FAAH2: variants seen among roughly 807,000 people sequenced by gnomAD.
The protein encoded by FAAH2 is fatty acid amide hydrolase 2.
In FAAH2, 60 loss-of-function variants were observed where a neutral mutation model predicts 36.9. The observed-to-expected ratio is 1.63, with a 90% CI of 1.32 to 2.02. The LOEUF is 2.02. Among genes scored for constraint, FAAH2 ranks in the 30% most tolerant of loss-of-function variants. The pLI, the probability that FAAH2 is intolerant of heterozygous loss-of-function variation, is 0.00. For missense variants in FAAH2, 689 were observed against 397.5 expected (o/e 1.73, Z -6.23); for synonymous variants, 214 against 143.8 (o/e 1.49, Z -3.49).
chrX:57,481,282 T>C (rs5914116), intron 10 of FAAH2, among the ~76,000 whole-genome samples: 41,343 of 110,131 alleles, frequency 0.38, 6,542 homozygotes, highest in Middle Eastern at 0.63. Context: ...TTTGTGCCCT[T>C]GCTGGAGAGG....
the FAAH2 span, among the ~76,000 whole-genome samples, chrX:57,155,082 G>A: frequency 8.9e-6 from 1 of 111,947 alleles, no homozygotes; most frequent in African/African-American, 3.3e-5. Context: ...CTGCTGTGGG[G>A]ATGGCAGGAG....
chrX:57,214,562 G>A, the FAAH2 span, among the ~76,000 whole-genome samples: 2 of 111,328 alleles, frequency 1.8e-5, no homozygotes, highest in African/African-American at 6.5e-5. Context: ...GAGTAGCTGG[G>A]ATTACAGGTG....
At chrX:57,415,501 G>A (rs1423302223) in intron 7 of FAAH2, among the ~76,000 whole-genome samples, 3 of 111,967 alleles carry the variant, frequency 2.7e-5, no homozygotes, top group Non-Finnish European at 5.6e-5. Context: ...TCACTCATGA[G>A]CAGGTTGCTC....
intron 7 of FAAH2, among the ~76,000 whole-genome samples, chrX:57,397,034 G>T: frequency 9.0e-6 from 1 of 111,360 alleles, no homozygotes; most frequent in East Asian, 2.8e-4. Context: ...TATATATTTA[G>T]GATAGTTATA....
In FAAH2 at chrX:57,347,672, C is replaced by T. The variant is rs190129836; in HGVS notation, c.742+6282C>T. Reference sequence around the variant, plus strand: ...GTTGTTTTAATTTTCATAATTCTTGCACTTATTCTTTCTCCTCTGAGGGGG... The same window carrying T: ...GTTGTTTTAATTTTCATAATTCTTGTACTTATTCTTTCTCCTCTGAGGGGG... On this transcript the variant is annotated intron_variant, in intron 5 of 10. Transcript: ENST00000374900. 6.5e-3 allele frequency among the ~76,000 whole-genome samples: 510 copies of T among 78,878 alleles called. 4 individuals are homozygous for T. The highest frequency in any genetic ancestry group is 9.0e-3 in the Non-Finnish European group (414 of 45,769). 68.5% of individuals were successfully genotyped at this position (78,878 alleles called of 115,157 possible).
At chrX:57,247,820 G>A in the FAAH2 span, among the ~76,000 whole-genome samples, 1 of 112,240 alleles carries the variant, frequency 8.9e-6, no homozygotes, top group Non-Finnish European at 1.9e-5. Flanking sequence ...CTAGTTAAGT[G>A]GTCATAGGCG....
the FAAH2 span, among the ~76,000 whole-genome samples, chrX:57,253,990 C>A: frequency 9.0e-6 from 1 of 110,625 alleles, no homozygotes; most frequent in South Asian, 3.8e-4. Flanking sequence ...TCCAATCTGG[C>A]AAATTAGATA....
chrX:57,256,621 G>C, the FAAH2 span, among the ~76,000 whole-genome samples: 1 of 111,693 alleles, frequency 9.0e-6, no homozygotes, highest in Non-Finnish European at 1.9e-5. Context: ...ATACCATTCA[G>C]GACATAGGCA....
At position 57,306,994 on chromosome X, in the gene FAAH2, G is replaced by GATATATATATATATAGATATAT. The variant is rs770040896; in HGVS notation, c.276-3596_276-3595insTATATATATATAGATATATATA. On this transcript the variant is annotated intron_variant, in intron 2 of 10. Transcript: ENST00000374900. ...ACACGTATACACACACACACACACA[G>GATATATATATATATAGATATAT]ATACATATATATATATATATATAGC... Among the ~76,000 whole-genome samples the GATATATATATATATAGATATAT allele has an allele frequency of 5.8e-4, 18 of 31,016 alleles. 3 individuals are homozygous for GATATATATATATATAGATATAT. In the East Asian group the frequency reaches 0.024, roughly 42 times the overall value. The allele number at this position is 31,016 out of a possible 115,157, so 26.9% of individuals were successfully genotyped here.
the FAAH2 span, among the ~76,000 whole-genome samples, chrX:57,172,873 C>T: frequency 1.7e-4 from 19 of 111,870 alleles, no homozygotes; most frequent in African/African-American, 6.2e-4. Context: ...TAATGTGTTC[C>T]TCTCGACGTC....
chrX:57,304,790 G>A (rs970321433), intron 2 of FAAH2, among the ~76,000 whole-genome samples: 4 of 111,595 alleles, frequency 3.6e-5, no homozygotes, highest in Non-Finnish European at 3.8e-5. Context: ...CTTTATCTCA[G>A]TTTCCTCATA....
At chrX:57,447,187 C>T (rs2147173958) in intron 9 of FAAH2, 148 bp downstream of exon 9, 1 of 396,351 alleles carries the variant, frequency 2.5e-6, no homozygotes, top group Non-Finnish European at 4.3e-6. Context: ...TCTCCTTTGA[C>T]TCCATGTCTC....
chrX:57,310,870 A>C, intron 3 of FAAH2, 141 bp downstream of exon 3: 1 of 645,548 alleles, frequency 1.5e-6, no homozygotes. Context: ...GGAAATATTC[A>C]GCAAGTTCCA....
chrX:57,256,921 G>A, the FAAH2 span, among the ~76,000 whole-genome samples: 32 of 111,861 alleles, frequency 2.9e-4, no homozygotes, highest in Admixed American at 2.4e-3. Flanking sequence ...AAATTTATGC[G>A]GCCAACAGAC....
chrX:57,351,013 C>T (rs1288152672), intron 5 of FAAH2, among the ~76,000 whole-genome samples: 1 of 111,641 alleles, frequency 9.0e-6, no homozygotes. Context: ...AGAGAACATT[C>T]TTCCTGACAA....
intron 7 of FAAH2, among the ~76,000 whole-genome samples, chrX:57,402,248 T>TA (rs2055455988): frequency 8.9e-6 from 1 of 111,981 alleles, no homozygotes; most frequent in South Asian, 3.8e-4. Context: ...TCCCTTGACA[T>TA]AAGGGGCATG....
At chrX:57,295,266 G>A (rs1442003750) in intron 2 of FAAH2, among the ~76,000 whole-genome samples, 1 of 112,164 alleles carries the variant, frequency 8.9e-6, no homozygotes, top group Non-Finnish European at 1.9e-5. Flanking sequence ...TAGGAAACTG[G>A]AATCAACTAC....
chrX:57,277,087 C>T, the FAAH2 span, among the ~76,000 whole-genome samples: 3 of 110,456 alleles, frequency 2.7e-5, no homozygotes, highest in East Asian at 8.4e-4. Context: ...TGGCCAGCAT[C>T]AGCCTGATAC....
the FAAH2 span, among the ~76,000 whole-genome samples, chrX:57,137,867 A>AAG: frequency 9.0e-6 from 1 of 111,644 alleles, no homozygotes; most frequent in African/African-American, 3.3e-5. Flanking sequence ...ATGTGTATGT[A>AAG]TGTATATATA....
Sources: allele counts gnomAD v4.1 joint callset (sites outside exome capture counted in the v4.1 genomes callset), GRCh38; gene constraint gnomAD v4.1.1; transcripts MANE v1.5; gene names NCBI Gene and HGNC (gene_info 2026-07-23, HGNC 2026-07-21).